The following RPL22 variants were observed in gnomAD, a reference collection of about 807,000 sequenced individuals.
The protein encoded by RPL22 is large ribosomal subunit protein eL22.
RPL22 carries 4 observed loss-of-function variants against 16.2 expected under a neutral mutation model. The ratio of observed to expected loss-of-function variants is 0.25; its 90% confidence interval spans 0.12 to 0.57. The LOEUF (loss-of-function observed/expected upper bound fraction) is 0.57. Among genes scored for constraint, RPL22 ranks in the 20% least tolerant of loss-of-function variants. RPL22 has a pLI of 0.92. For synonymous variants in RPL22, 43 were observed against 54.8 expected (o/e 0.78, Z 0.95); for missense variants, 83 against 156.1 (o/e 0.53, Z 2.49).
intron 2 of RPL22, among the ~76,000 whole-genome samples, chr1:6,195,091 C>T (rs1017428255): frequency 1.1e-4 from 17 of 151,122 alleles, no homozygotes; most frequent in Admixed American, 3.3e-4. Context: ...GAGCCAAGAT[C>T]GTGCCACTGC....
chr1:6,198,844 G>A (rs768234182), intron 1 of RPL22: 7 of 152,190 alleles, frequency 4.6e-5, no homozygotes, highest in African/African-American at 7.2e-5. Context: ...AGCCCAACCA[G>A]ACAGAAAGAG....
chr1:6,192,656 G>A (rs528412228), intron 3 of RPL22, among the ~76,000 whole-genome samples: 2 of 152,236 alleles, frequency 1.3e-5, no homozygotes, highest in African/African-American at 4.8e-5. Context: ...CCGAGATCGC[G>A]CCATTGCACA....
At position 6,188,626 on chromosome 1, in the gene RPL22, G is replaced by A. The variant is rs116826810; in HGVS notation, c.243-1810C>T. Among the ~76,000 whole-genome samples the A allele has an allele frequency of 6.7e-3, 1,012 of 150,992 alleles. 11 individuals carry two copies. Among genetic ancestry groups the A allele is most frequent in the African/African-American group, 0.023 (960 of 41,064 alleles). On this transcript the variant is annotated intron_variant, in intron 3 of 3. Coordinates refer to ENST00000234875, the MANE Select transcript of RPL22 (RefSeq NM_000983.4). ...GCTTCCGTGGCCCTGAGGCTATTCC[G>A]AATCTTCCCAAGCCATAAAGAGGGA...
chr1:6,185,797 C>T lies in RPL22; in HGVS notation c.*875G>A, dbSNP rs1667576053. 1 of 233,514 alleles carries T rather than the reference C, an allele frequency of 4.3e-6. No homozygotes were observed. Among genetic ancestry groups the T allele is most frequent in the South Asian group, 1.8e-4 (1 of 5,534 alleles). 14.5% of individuals were successfully genotyped at this position (233,514 alleles called of 1,614,324 possible). On this transcript the variant is annotated 3_prime_UTR_variant, in exon 4 of 4. Coordinates refer to ENST00000234875, the MANE Select transcript of RPL22 (RefSeq NM_000983.4). The stretch of plus-strand genomic sequence containing the variant: ...CACTGACATTAAATCCAGTCATGGC[C>T]TAAGTGGCATGAGGCAGCTATTTCC...
intron 3 of RPL22, among the ~76,000 whole-genome samples, chr1:6,187,060 C>T (rs574415878): frequency 1.3e-5 from 2 of 152,300 alleles, no homozygotes; most frequent in South Asian, 4.1e-4. Flanking sequence ...GTAATCCCAG[C>T]GCTTTGGGAG....
At chr1:6,191,331 G>C (rs1667647371) in intron 3 of RPL22, among the ~76,000 whole-genome samples, 1 of 127,874 alleles carries the variant, frequency 7.8e-6, no homozygotes, top group Non-Finnish European at 1.6e-5. Flanking sequence ...CTGCACTCCA[G>C]CCTGGGTGAC....
intron 1 of RPL22, 178 bp downstream of exon 1, chr1:6,199,384 T>C (rs1367234076): frequency 3.0e-6 from 4 of 1,329,182 alleles, no homozygotes; most frequent in Non-Finnish European, 3.9e-6. Context: ...GGCCGCGGCC[T>C]CCTCCGCCTA....
intron 2 of RPL22, among the ~76,000 whole-genome samples, chr1:6,197,099 TG>T (rs1330988070): frequency 1.8e-4 from 28 of 152,240 alleles, no homozygotes. Flanking sequence ...GTGCGATCTC[TG>T]CTCACTGCCA....
At position 6,186,003 on chromosome 1, in the gene RPL22, T is replaced by C. The variant is rs2100899820; in HGVS notation, c.*669A>G. 8.7e-6 allele frequency: 2 copies of C among 230,608 alleles called. No homozygotes were observed. The highest frequency in any genetic ancestry group is 1.2e-4 in the East Asian group (2 of 16,200). The allele number at this position is 230,608 out of a possible 1,614,324, so 14.3% of individuals were successfully genotyped here. ...CTCTGCTGGAGACGAAAGTGACAGT[T>C]TGTTGCAAAGACCTGTAGAAACATT... On this transcript the variant is annotated 3_prime_UTR_variant, in exon 4 of 4. Coordinates refer to ENST00000234875, the MANE Select transcript of RPL22 (RefSeq NM_000983.4).
intron 3 of RPL22, among the ~76,000 whole-genome samples, chr1:6,189,995 C>T (rs777392397): frequency 1.9e-4 from 29 of 152,302 alleles, no homozygotes; most frequent in Middle Eastern, 6.8e-3. Context: ...CACCTTGAAC[C>T]TTTCAGGAAA....
In RPL22 at chr1:6,191,359, C is replaced by CAAAA. The variant is rs769446432; in HGVS notation, c.242+1567_242+1570dup. Among the ~76,000 whole-genome samples the CAAAA allele has an allele frequency of 2.0e-3, 65 of 32,412 alleles. 1 individual carries two copies. The highest frequency in any genetic ancestry group is 7.2e-3 in the African/African-American group (58 of 8,002). The allele number at this position is 32,412 out of a possible 152,430, so 21.3% of individuals were successfully genotyped here. On this transcript the variant is annotated intron_variant, in intron 3 of 3. Transcript: ENST00000234875. Reference sequence around the variant, plus strand: ...TGGGTGACAGAGTGAGACTCCGTCTCAAAAAAAAAAAAAAAAAAAAAAAAG... The same window carrying CAAAA: ...TGGGTGACAGAGTGAGACTCCGTCTCAAAAAAAAAAAAAAAAAAAAAAAAAAAAG...
At chr1:6,187,754 G>GT (rs1667601258) in intron 3 of RPL22, among the ~76,000 whole-genome samples, 1 of 152,134 alleles carries the variant, frequency 6.6e-6, no homozygotes, top group South Asian at 2.1e-4. Flanking sequence ...GAAATTTACA[G>GT]TTAAGTACGC....
At position 6,185,439 on chromosome 1, in the gene RPL22, A is replaced by C. The variant is rs1434651851; in HGVS notation, c.*1233T>G. The stretch of plus-strand genomic sequence containing the variant: ...GGAAAAATGCCAGAGCCTTTAACAC[A>C]AGTGAAATTGCAAAGCCTCAACACG... On this transcript the variant is annotated 3_prime_UTR_variant, in exon 4 of 4. Transcript: ENST00000234875. The C allele has an allele frequency of 2.3e-5, 9 of 398,830 alleles. No homozygotes were observed. The East Asian group carries it at 2.5e-4, about 11-fold the overall frequency. The allele number at this position is 398,830 out of a possible 1,614,324, so 24.7% of individuals were successfully genotyped here.
In RPL22 at chr1:6,189,876, G is replaced by A. The variant is rs1030629482; in HGVS notation, c.242+3054C>T. On this transcript the variant is annotated intron_variant, in intron 3 of 3. Transcript: ENST00000234875. Reference sequence around the variant, plus strand: ...GCGGAGGTTTCAGTGAGCTGAAATCGCGCCATTGCACTCCAGCCTAGACAA... The same window carrying A: ...GCGGAGGTTTCAGTGAGCTGAAATCACGCCATTGCACTCCAGCCTAGACAA... Among the ~76,000 whole-genome samples the A allele has an allele frequency of 6.6e-5, 10 of 152,130 alleles. No homozygotes were observed. The South Asian group carries it at 8.3e-4, about 13-fold the overall frequency.
In RPL22 at chr1:6,199,570, C is replaced by G. The variant is rs939842092; in HGVS notation, c.4G>C (p.Ala2Pro). M[A>P]PVKKLVVKGG... ...CGCGGAGCCATACTAACCACAGGAG[C>G]CATGGCGGCAGCGGAGTTAGAAAGG... Residue 2 changes from alanine to proline, a missense_variant, in exon 1 of 4, where the codon GCT becomes CCT. By Grantham distance (27) the Ala-to-Pro change is conservative. Coordinates refer to ENST00000234875, the MANE Select transcript of RPL22 (RefSeq NM_000983.4). 1.9e-6 allele frequency: 3 copies of G among 1,568,562 alleles called. No homozygotes were observed. Among genetic ancestry groups the G allele is most frequent in the Non-Finnish European group, 2.6e-6 (3 of 1,156,886 alleles).
chr1:6,197,914 T>C, intron 1 of RPL22, 158 bp from the exon 2 acceptor site: 1 of 645,238 alleles, frequency 1.5e-6, no homozygotes. Context: ...CATCACTGCC[T>C]GAGTGCCAGA....
At chr1:6,196,223 CACAA>C (rs1257507907) in intron 2 of RPL22, among the ~76,000 whole-genome samples, 1 of 152,128 alleles carries the variant, frequency 6.6e-6, no homozygotes, top group African/African-American at 2.4e-5. Flanking sequence ...AAGACAATCA[CACAA>C]ACAGATGAGT....
intron 3 of RPL22, among the ~76,000 whole-genome samples, chr1:6,189,612 T>TAAAAAAAAAA (rs550383303): frequency 1.6e-5 from 2 of 125,794 alleles, no homozygotes; most frequent in African/African-American, 5.8e-5. Context: ...AAAATCAGGT[T>TAAAAAAAAAA]AAAAAAAAAA....
At chr1:6,196,571 T>C (rs1667720610) in intron 2 of RPL22, among the ~76,000 whole-genome samples, 1 of 152,178 alleles carries the variant, frequency 6.6e-6, no homozygotes, top group African/African-American at 2.4e-5. Flanking sequence ...TTAGAGCAAA[T>C]GCAAATTTAG....
Sources: allele counts gnomAD v4.1 joint callset (sites outside exome capture counted in the v4.1 genomes callset), GRCh38; gene constraint gnomAD v4.1.1; transcripts MANE v1.5; gene names NCBI Gene and HGNC (gene_info 2026-07-23, HGNC 2026-07-21).